Variants in ATRNL1 observed in about 807,000 individuals in gnomAD.
The protein encoded by ATRNL1 is attractin like 1.
ATRNL1 carries 95 observed loss-of-function variants against 182.7 expected under a neutral mutation model. That is an observed-to-expected ratio of 0.52 (90% CI 0.44 to 0.62). The LOEUF is 0.62. Among genes scored for constraint, ATRNL1 ranks in the 20% least tolerant of loss-of-function variants. The probability of loss-of-function intolerance (pLI) is 0.00; values close to 1 mark genes in which losing one functional copy is unlikely to be tolerated. For missense variants in ATRNL1, 1,471 were observed against 1,679.5 expected, an observed-to-expected ratio of 0.88 and a Z score of 2.17; for synonymous variants, 576 against 568.3, an observed-to-expected ratio of 1.01 and a Z score of -0.19.
intron 8 of ATRNL1, among the ~76,000 whole-genome samples, chr10:115,195,817 T>C (rs1554890895): frequency 6.6e-6 from 1 of 152,092 alleles, no homozygotes. Context: ...GAATTACCAC[T>C]TATTATTATT....
At chr10:115,381,306 G>A (rs554725717) in intron 19 of ATRNL1, among the ~76,000 whole-genome samples, 8 of 151,336 alleles carry the variant, frequency 5.3e-5, no homozygotes, top group South Asian at 4.2e-4. Context: ...TCACTCTGTC[G>A]CCCAGGCTGG....
At chr10:115,289,542 T>C (rs1472227846) in intron 15 of ATRNL1, among the ~76,000 whole-genome samples, 1 of 152,180 alleles carries the variant, frequency 6.6e-6, no homozygotes, top group Non-Finnish European at 1.5e-5. Context: ...TGATCCATTT[T>C]TTTGTTGTTG....
At chr10:115,131,381 G>T (rs1554875121) in intron 5 of ATRNL1, among the ~76,000 whole-genome samples, 1 of 152,024 alleles carries the variant, frequency 6.6e-6, no homozygotes, top group African/African-American at 2.4e-5. Context: ...TTTCTGAATT[G>T]ATATGTTTGA....
intron 28 of ATRNL1, among the ~76,000 whole-genome samples, chr10:115,920,853 GAAA>G (rs1164856129): frequency 1.3e-5 from 2 of 152,132 alleles, no homozygotes; most frequent in Non-Finnish European, 2.9e-5. Flanking sequence ...GTTTTTAAGA[GAAA>G]GAAGAAGTTA....
chr10:115,259,268 G>C (rs1554908031), intron 10 of ATRNL1, among the ~76,000 whole-genome samples: 1 of 152,184 alleles, frequency 6.6e-6, no homozygotes, highest in African/African-American at 2.4e-5. Context: ...GCTGTGGTAG[G>C]CTCCGTCCAG....
At chr10:115,884,199 G>C (rs1589646922) in intron 28 of ATRNL1, among the ~76,000 whole-genome samples, 1 of 152,152 alleles carries the variant, frequency 6.6e-6, no homozygotes, top group East Asian at 1.9e-4. Flanking sequence ...TTTATATCTG[G>C]CCCAATATTT....
rs75695950 is a variant in ATRNL1, at chr10:115,778,272, C to T, written c.3903+50917C>T. The stretch of plus-strand genomic sequence containing the variant: ...GAGTAACAATAACAAGAGCTATCTA[C>T]TAGATGACAAGAGTATGCCAGGCTA... On this transcript the variant is annotated intron_variant, in intron 27 of 28. Transcript: ENST00000355044. Among the ~76,000 whole-genome samples, 1,377 of 152,038 alleles carry T rather than the reference C, an allele frequency of 9.1e-3. 27 individuals carry two copies. The highest frequency in any genetic ancestry group is 0.032 in the African/African-American group (1,306 of 41,460).
intron 5 of ATRNL1, 120 bp downstream of exon 5, chr10:115,129,655 T>C: frequency 1.4e-6 from 1 of 693,064 alleles, no homozygotes. Context: ...TATTTACTTT[T>C]ATTTTTAGAA....
At chr10:115,609,872 C>G (rs139161847) in intron 26 of ATRNL1, among the ~76,000 whole-genome samples, 59 of 152,206 alleles carry the variant, frequency 3.9e-4, no homozygotes, top group African/African-American at 1.1e-3. Context: ...TTTGTTCTTA[C>G]GGTATCCGTG....
chr10:115,112,068 CA>C (rs34563525), intron 1 of ATRNL1, among the ~76,000 whole-genome samples: 9 of 149,944 alleles, frequency 6.0e-5, no homozygotes, highest in Non-Finnish European at 1.2e-4. Context: ...AAAAAAAACC[CA>C]AAAAAAAACT....
intron 25 of ATRNL1, among the ~76,000 whole-genome samples, chr10:115,547,995 A>G (rs1852763151): frequency 6.6e-6 from 1 of 152,212 alleles, no homozygotes; most frequent in Admixed American, 6.5e-5. Flanking sequence ...ATGGATATGG[A>G]AACAGAGTGA....
Position 115,944,871 on chromosome 10 carries a change from C to A in ATRNL1, c.*92C>A. On this transcript the variant is annotated 3_prime_UTR_variant, in exon 29 of 29. Coordinates refer to ENST00000355044, the MANE Select transcript of ATRNL1 (RefSeq NM_207303.4). ...GGCCTTGGATTTTATGGAGGCAGAT[C>A]TCTGTATCATCCAGAGCCTGAGTAC... is the stretch of plus-strand genomic sequence containing the variant. 7.0e-7 allele frequency: 1 copy of A among 1,420,456 alleles called. No individual in the cohort carries two copies. The highest frequency in any genetic ancestry group is 2.4e-5 in the East Asian group (1 of 41,936). The allele number at this position is 1,420,456 out of a possible 1,614,324, so 88.0% of individuals were successfully genotyped here.
chr10:115,253,053 G>A (rs1488920645), intron 10 of ATRNL1, among the ~76,000 whole-genome samples: 3 of 152,140 alleles, frequency 2.0e-5, no homozygotes, highest in Non-Finnish European at 4.4e-5. Flanking sequence ...TCTTACTTTA[G>A]TATACCATTC....
chr10:115,452,341 T>C (rs1554967829), intron 21 of ATRNL1, among the ~76,000 whole-genome samples: 1 of 152,214 alleles, frequency 6.6e-6, no homozygotes, highest in African/African-American at 2.4e-5. Flanking sequence ...ACATGCTTTT[T>C]TAAGGTCATA....
chr10:115,879,311 A>AAAAAAAAAAAG (rs1163373262), intron 28 of ATRNL1, among the ~76,000 whole-genome samples: 1 of 151,106 alleles, frequency 6.6e-6, no homozygotes, highest in Non-Finnish European at 1.5e-5. Flanking sequence ...ATCTCAAAAA[A>AAAAAAAAAAAG]AAAAGAAAGA....
At chr10:115,648,977 T>G (rs1423661566) in intron 26 of ATRNL1, among the ~76,000 whole-genome samples, 1 of 152,120 alleles carries the variant, frequency 6.6e-6, no homozygotes, top group Non-Finnish European at 1.5e-5. Context: ...ACTCTCTAGG[T>G]GTGAGGCCTT....
chr10:115,536,959 A>G (rs1386353363), intron 25 of ATRNL1, among the ~76,000 whole-genome samples: 2 of 117,184 alleles, frequency 1.7e-5, no homozygotes, highest in African/African-American at 5.5e-5. Flanking sequence ...TACAAATACA[A>G]AAAAGTCTCT....
intron 18 of ATRNL1, among the ~76,000 whole-genome samples, chr10:115,328,720 G>A (rs1279484569): frequency 6.6e-6 from 1 of 152,010 alleles, no homozygotes; most frequent in Non-Finnish European, 1.5e-5. Flanking sequence ...TTAAGAAAAT[G>A]TCATCTAAAC....
rs529650483 is a variant in ATRNL1, at chr10:115,368,252, A to T, written c.3176-26407A>T. On this transcript the variant is annotated intron_variant, in intron 19 of 28. Transcript: ENST00000355044. Reference sequence around the variant, plus strand: ...GTGCGCCGTTTTTTAAGCCGGTCCGAAAAGCGCAATATTCGGGTGGGAGTG... The same window carrying T: ...GTGCGCCGTTTTTTAAGCCGGTCCGTAAAGCGCAATATTCGGGTGGGAGTG... 7.0e-4 allele frequency among the ~76,000 whole-genome samples: 107 copies of T among 152,346 alleles called. 4 individuals carry two copies. The South Asian group carries it at 0.022, about 31-fold the overall frequency.
Sources: allele counts gnomAD v4.1 joint callset (sites outside exome capture counted in the v4.1 genomes callset), GRCh38; gene constraint gnomAD v4.1.1; transcripts MANE v1.5; gene names NCBI Gene and HGNC (gene_info 2026-07-23, HGNC 2026-07-21).